Variants in PPP4R3B observed in about 807,000 individuals in gnomAD.
PPP4R3B encodes serine/threonine-protein phosphatase 4 regulatory subunit 3B.
Under a neutral mutation model 95.4 loss-of-function variants are expected in PPP4R3B, and 52 were observed. That is an observed-to-expected ratio of 0.54 (90% CI 0.44 to 0.69). PPP4R3B has a LOEUF of 0.69. Ranked by LOEUF, PPP4R3B falls within the 30% of genes least tolerant of loss-of-function variation. The pLI is 0.00. For missense variants in PPP4R3B, 1,003 were observed against 1,005.9 expected (o/e 1.00, Z 0.04); for synonymous variants, 407 against 343.9 (o/e 1.18, Z -2.03).
chr2:55,580,304 T>A (rs1052757406), intron 8 of PPP4R3B, among the ~76,000 whole-genome samples: 1 of 152,134 alleles, frequency 6.6e-6, no homozygotes, highest in African/African-American at 2.4e-5. Context: ...AAACAACATG[T>A]AAGTCAGAAC....
chr2:55,561,159 G>C (rs1686561704), intron 15 of PPP4R3B, among the ~76,000 whole-genome samples: 1 of 152,070 alleles, frequency 6.6e-6, no homozygotes, highest in Non-Finnish European at 1.5e-5. Flanking sequence ...CCAAGGTACA[G>C]CTTGGGCCAT....
At position 55,577,742 on chromosome 2, in the gene PPP4R3B, A is replaced by G. The variant is rs192019898; in HGVS notation, c.1565-386T>C. Among the ~76,000 whole-genome samples, 491 of 152,162 alleles carry G rather than the reference A, an allele frequency of 3.2e-3. 5 individuals are homozygous for G. The highest frequency in any genetic ancestry group is 5.6e-3 in the Non-Finnish European group (381 of 67,952). On this transcript the variant is annotated intron_variant, in intron 10 of 16. Coordinates refer to ENST00000616407, the MANE Select transcript of PPP4R3B (RefSeq NM_001122964.3). ...ATTTGCATTTGATTATCCATTATAC[A>G]TCTAATTTTTAAAAACAGAAAATGC...
At chr2:55,584,474 G>A (rs1466584121) in intron 7 of PPP4R3B, among the ~76,000 whole-genome samples, 2 of 152,096 alleles carry the variant, frequency 1.3e-5, no homozygotes, top group Admixed American at 6.6e-5. Flanking sequence ...CACCCTATTT[G>A]TAGTTTTTTT....
intron 1 of PPP4R3B, chr2:55,616,593 A>G (rs1436971121): frequency 6.6e-6 from 1 of 152,226 alleles, no homozygotes; most frequent in East Asian, 1.9e-4. Flanking sequence ...GGCAGCCCGA[A>G]GAAATGCAGA....
chr2:55,555,761 A>G (rs749929511), intron 16 of PPP4R3B, among the ~76,000 whole-genome samples: 23 of 152,230 alleles, frequency 1.5e-4, no homozygotes, highest in Non-Finnish European at 2.9e-4. Flanking sequence ...TGTTATATCC[A>G]TACTTTTAAG....
At chr2:55,600,456 A>AAG (rs1692404304) in intron 3 of PPP4R3B, among the ~76,000 whole-genome samples, 1 of 144,640 alleles carries the variant, frequency 6.9e-6, no homozygotes, top group African/African-American at 2.6e-5. Context: ...AAAAAAAAAA[A>AAG]GGCGGGCAGG....
rs369126683 is a variant in PPP4R3B at position 55,573,886 on chromosome 2, C to CTTTTT, written c.1607-114_1607-110dup. On this transcript the variant is annotated intron_variant, in intron 11 of 16. Coordinates refer to ENST00000616407, the MANE Select transcript of PPP4R3B (RefSeq NM_001122964.3). ...AACAAAATCTAAACTGTATTTCCTCCTTTTTTTTTTTTTTTTTTTTGAGAC... is the reference window on the plus strand; with the variant it reads ...AACAAAATCTAAACTGTATTTCCTCCTTTTTTTTTTTTTTTTTTTTTTTTTGAGAC... 2.7e-4 allele frequency: 74 copies of CTTTTT among 277,516 alleles called. 1 individual carries two copies. Among genetic ancestry groups the CTTTTT allele is most frequent in the Non-Finnish European group, 3.3e-4 (57 of 171,808 alleles). 17.2% of individuals were successfully genotyped at this position (277,516 alleles called of 1,614,324 possible).
At chr2:55,568,038 A>C in intron 13 of PPP4R3B, 156 bp downstream of exon 13, 1 of 449,426 alleles carries the variant, frequency 2.2e-6, no homozygotes, top group Non-Finnish European at 3.6e-6. Context: ...TGATTTTTAA[A>C]ATTTCTGTTT....
chr2:55,609,983 A>T (rs1176369398), intron 2 of PPP4R3B, among the ~76,000 whole-genome samples: 1 of 152,198 alleles, frequency 6.6e-6, no homozygotes, highest in Non-Finnish European at 1.5e-5. Flanking sequence ...CTAATATATT[A>T]CACACTAAAA....
chr2:55,596,348 A>G (rs1276879731), intron 4 of PPP4R3B, among the ~76,000 whole-genome samples: 2 of 3,466 alleles, frequency 5.8e-4, no homozygotes, highest in African/African-American at 7.2e-3. Flanking sequence ...TCTATTTCGA[A>G]AAAAAAAATC....
chr2:55,602,302 CATT>C (rs1692730540), intron 3 of PPP4R3B, among the ~76,000 whole-genome samples: 1 of 152,164 alleles, frequency 6.6e-6, no homozygotes, highest in Non-Finnish European at 1.5e-5. Flanking sequence ...CAAATATGAT[CATT>C]TTGGTGTAAG....
intron 2 of PPP4R3B, chr2:55,614,590 A>C (rs2103922056): frequency 6.6e-6 from 1 of 152,306 alleles, no homozygotes; most frequent in South Asian, 2.1e-4. Flanking sequence ...GTATAAAAGC[A>C]TGTACACAAA....
intron 8 of PPP4R3B, among the ~76,000 whole-genome samples, chr2:55,581,023 C>A (rs1288850680): frequency 6.6e-6 from 1 of 152,064 alleles, no homozygotes; most frequent in African/African-American, 2.4e-5. Context: ...GAGGCTGAGG[C>A]GGGTGGATCA....
At chr2:55,558,200 A>G (rs1686097720) in intron 16 of PPP4R3B, among the ~76,000 whole-genome samples, 1 of 152,214 alleles carries the variant, frequency 6.6e-6, no homozygotes, top group African/African-American at 2.4e-5. Context: ...CGTATGTGTG[A>G]AGACGTTCTA....
intron 3 of PPP4R3B, among the ~76,000 whole-genome samples, chr2:55,601,918 G>A (rs6753530): frequency 0.16 from 24,380 of 152,050 alleles, 2,106 homozygotes; most frequent in East Asian, 0.29. Context: ...GGCCCATGCT[G>A]CAGTTATTTG....
chr2:55,591,157 T>C lies in PPP4R3B; in HGVS notation c.922-2201A>G, dbSNP rs753875648. ...AGTTAGTTTTTCCTTTTTTTTTTTTTCTAGAGTCTCACTCTGTTGCCCAGG... is the reference window on the plus strand; with the variant it reads ...AGTTAGTTTTTCCTTTTTTTTTTTTCCTAGAGTCTCACTCTGTTGCCCAGG... On this transcript the variant is annotated intron_variant, in intron 4 of 16. Transcript: ENST00000616407. Among the ~76,000 whole-genome samples, 84 of 151,918 alleles carry C rather than the reference T, an allele frequency of 5.5e-4. No homozygotes were observed. In the Middle Eastern group the frequency reaches 0.01, roughly 18 times the overall value.
At chr2:55,584,391 G>C (rs1483254632) in intron 7 of PPP4R3B, among the ~76,000 whole-genome samples, 2 of 151,974 alleles carry the variant, frequency 1.3e-5, no homozygotes, top group South Asian at 2.1e-4. Flanking sequence ...GGTGGTGTTT[G>C]GTTACATGAG....
intron 5 of PPP4R3B, among the ~76,000 whole-genome samples, chr2:55,587,251 T>A (rs115227861): frequency 2.6e-5 from 4 of 152,208 alleles, no homozygotes; most frequent in Non-Finnish European, 5.9e-5. Flanking sequence ...TTTTAAAATG[T>A]TTTTAAATGT....
intron 12 of PPP4R3B, among the ~76,000 whole-genome samples, chr2:55,570,666 C>T (rs1328624234): frequency 6.6e-6 from 1 of 152,200 alleles, no homozygotes; most frequent in Non-Finnish European, 1.5e-5. Flanking sequence ...TTTTCTCATT[C>T]CAACCCTCTG....
Sources: gnomAD v4.1 joint callset for allele counts (sites outside exome capture counted in the v4.1 genomes callset) on GRCh38, gnomAD v4.1.1 for gene constraint, MANE v1.5 for transcripts, NCBI Gene and HGNC (gene_info 2026-07-23, HGNC 2026-07-21) for gene names.